Variants in PLEKHG7 observed in about 807,000 individuals in gnomAD.
PLEKHG7 encodes the protein pleckstrin homology domain-containing family G member 7.
PLEKHG7 carries 77 observed loss-of-function variants against 85.2 expected under a neutral mutation model. The observed-to-expected ratio is 0.90, with a 90% CI of 0.75 to 1.09. The LOEUF is 1.09. Among genes scored for constraint, PLEKHG7 ranks in the 50% least tolerant of loss-of-function variants. PLEKHG7 has a pLI of 0.00. For missense variants in PLEKHG7, 777 were observed against 804.3 expected (o/e 0.97, Z 0.41); for synonymous variants, 301 against 302.4 (o/e 1.00, Z 0.05).
chr12:92,712,518 T>C, intron 3 of PLEKHG7, among the ~76,000 whole-genome samples: 1 of 152,198 alleles, frequency 6.6e-6, no homozygotes, highest in East Asian at 1.9e-4. Flanking sequence ...CCAAGATCCA[T>C]TTGTCTTCTG....
At chr12:92,755,709 T>C (rs912931893) in intron 11 of PLEKHG7, 116 bp from the exon 12 acceptor site, 10 of 737,870 alleles carry the variant, frequency 1.4e-5, no homozygotes, top group Non-Finnish European at 2.4e-5. Context: ...ACTTTATATA[T>C]TGTCTGGCTC....
Position 92,706,589 on chromosome 12 carries a change from C to A in PLEKHG7, c.-43C>A. On this transcript the variant is annotated 5_prime_UTR_variant, in exon 2 of 17. Coordinates refer to ENST00000344636, the MANE Select transcript of PLEKHG7 (RefSeq NM_001377329.1). ...GTGATCCAGAGAACAGCAACTCATA[C>A]GTCTTCTGGAACCTTCTACCAACAG... 1 of 1,539,416 alleles carries A rather than the reference C, an allele frequency of 6.5e-7. No homozygotes were observed. The highest frequency in any genetic ancestry group is 1.3e-5 in the South Asian group (1 of 78,296).
At chr12:92,749,267 G>GT in intron 10 of PLEKHG7, among the ~76,000 whole-genome samples, 3 of 151,566 alleles carry the variant, frequency 2.0e-5, no homozygotes, top group Non-Finnish European at 4.4e-5. Flanking sequence ...CCTACTGTTT[G>GT]TTTTTTAATT....
intron 11 of PLEKHG7, among the ~76,000 whole-genome samples, chr12:92,755,162 A>C (rs910991781): frequency 6.6e-6 from 1 of 152,204 alleles, no homozygotes; most frequent in Non-Finnish European, 1.5e-5. Flanking sequence ...GCACCTCTGG[A>C]GATTTCTCAG....
intron 3 of PLEKHG7, among the ~76,000 whole-genome samples, chr12:92,709,816 G>A (rs1254447953): frequency 6.6e-6 from 1 of 152,220 alleles, no homozygotes; most frequent in African/African-American, 2.4e-5. Flanking sequence ...GGCCAGGCAG[G>A]CGGATCACTT....
chr12:92,703,527 G>C lies in PLEKHG7; in HGVS notation c.-162+395G>C, dbSNP rs556529492. 2.0e-5 allele frequency among the ~76,000 whole-genome samples: 3 copies of C among 152,306 alleles called. No individual in the cohort carries two copies. In the East Asian group the frequency reaches 5.8e-4, roughly 29 times the overall value. On this transcript the variant is annotated intron_variant, in intron 1 of 16. Transcript: ENST00000344636. ...TTATCTCATTTAATTTCTGCAACAG[G>C]CCTGTGAGGGAGGTTCTTTGATGTC...
chr12:92,744,626 C>T (rs80294582), intron 9 of PLEKHG7, among the ~76,000 whole-genome samples: 1,848 of 150,592 alleles, frequency 0.012, 28 homozygotes, highest in African/African-American at 0.028. Flanking sequence ...CTACTAGATA[C>T]AGTATGCTGA....
intron 7 of PLEKHG7, among the ~76,000 whole-genome samples, chr12:92,740,271 C>CT (rs201972621): frequency 1.9e-3 from 295 of 152,060 alleles, no homozygotes; most frequent in African/African-American, 6.8e-3. Context: ...GAGGATTGTA[C>CT]TTTTTTTTGA....
Position 92,770,263 on chromosome 12 carries a change from T to C in PLEKHG7, c.*68T>C. On this transcript the variant is annotated 3_prime_UTR_variant, in exon 17 of 17. Transcript: ENST00000344636. ...TAAGGTATAATTTCATTCAAAGTTTTGTAACACTTAGCTAGTGATAAGCTA... is the reference window on the plus strand; with the variant it reads ...TAAGGTATAATTTCATTCAAAGTTTCGTAACACTTAGCTAGTGATAAGCTA... 2 of 1,180,854 alleles carry C rather than the reference T, an allele frequency of 1.7e-6. No homozygotes were observed. 73.1% of individuals were successfully genotyped at this position (1,180,854 alleles called of 1,614,324 possible).
At chr12:92,765,459 G>C (rs1197689807) in intron 15 of PLEKHG7, among the ~76,000 whole-genome samples, 1 of 152,128 alleles carries the variant, frequency 6.6e-6, no homozygotes, top group Non-Finnish European at 1.5e-5. Flanking sequence ...GAGAAATCCT[G>C]TGTCTACTAA....
rs1053924028 is a variant in PLEKHG7, at chr12:92,772,322, A to C, written c.*2127A>C. 3 of 152,080 alleles carry C rather than the reference A, an allele frequency of 2.0e-5. No homozygotes were observed. 9.4% of individuals were successfully genotyped at this position (152,080 alleles called of 1,614,324 possible). On this transcript the variant is annotated 3_prime_UTR_variant, in exon 17 of 17. Coordinates refer to ENST00000344636, the MANE Select transcript of PLEKHG7 (RefSeq NM_001377329.1). ...AATATTAAATGGAATGTCTAAGGCA[A>C]AATGGCATTAATAATTTCTCTTGAG...
At chr12:92,761,646 G>GAAAGAA in intron 13 of PLEKHG7, 106 bp from the exon 14 acceptor site, 1 of 1,044,896 alleles carries the variant, frequency 9.6e-7, no homozygotes, top group East Asian at 3.6e-5. Flanking sequence ...AAGAAAGAAA[G>GAAAGAA]AAAGAAAGAA....
intron 15 of PLEKHG7, among the ~76,000 whole-genome samples, chr12:92,767,969 G>C (rs1032919662): frequency 2.2e-4 from 33 of 152,050 alleles, no homozygotes; most frequent in Non-Finnish European, 1.5e-4. Flanking sequence ...ACTTTGGGAC[G>C]CCGAGGTTGG....
At chr12:92,745,901 A>G (rs1458852551) in intron 10 of PLEKHG7, among the ~76,000 whole-genome samples, 1 of 152,234 alleles carries the variant, frequency 6.6e-6, no homozygotes, top group Non-Finnish European at 1.5e-5. Flanking sequence ...GGAGAAAACT[A>G]TATAGTAAGA....
At chr12:92,734,842 A>C (rs1023563214) in intron 5 of PLEKHG7, among the ~76,000 whole-genome samples, 1 of 152,184 alleles carries the variant, frequency 6.6e-6, no homozygotes, top group African/African-American at 2.4e-5. Context: ...ACTAAGTTTG[A>C]GACTCCAGAA....
chr12:92,707,886 G>A (rs530624449), intron 3 of PLEKHG7: 38 of 679,156 alleles, frequency 5.6e-5, no homozygotes, highest in Non-Finnish European at 8.7e-5. Flanking sequence ...AGGATACAAT[G>A]CCATATGCAG....
In PLEKHG7 at chr12:92,769,024, A is replaced by C; in HGVS notation, c.1912A>C (p.Arg638=). 6.2e-7 allele frequency: 1 copy of C among 1,604,286 alleles called. No individual in the cohort carries two copies. The highest frequency in any genetic ancestry group is 8.5e-7 in the Non-Finnish European group (1 of 1,172,800). The change falls in exon 16 of 17, where the codon AGA becomes CGA. Residue 638 remains arginine, a synonymous_variant. Coordinates refer to ENST00000344636, the MANE Select transcript of PLEKHG7 (RefSeq NM_001377329.1). ...RNAFLIQHEN[R]YRQCIAAFLL... ...TGCTTTTCTTATACAACACGAAAAC[A>C]GATATCGACAGTGTATAGCAGCATT...
chr12:92,768,435 C>T (rs1873283608), intron 15 of PLEKHG7, among the ~76,000 whole-genome samples: 1 of 152,148 alleles, frequency 6.6e-6, no homozygotes, highest in Admixed American at 6.5e-5. Context: ...TTACATTTCA[C>T]CCAGTTTGGT....
chr12:92,712,401 G>A (rs1168676535), intron 3 of PLEKHG7, among the ~76,000 whole-genome samples: 1 of 152,204 alleles, frequency 6.6e-6, no homozygotes, highest in African/African-American at 2.4e-5. Flanking sequence ...CTGCATACCG[G>A]TACCAGGAGA....
Sources: gnomAD v4.1 joint callset for allele counts (sites outside exome capture counted in the v4.1 genomes callset) on GRCh38, gnomAD v4.1.1 for gene constraint, MANE v1.5 for transcripts, NCBI Gene and HGNC (gene_info 2026-07-23, HGNC 2026-07-21) for gene names.